Variants in PDS5A observed in about 807,000 individuals in gnomAD.
PDS5A encodes PDS5 cohesin associated factor A, also known as sister chromatid cohesion protein PDS5 homolog A.
In PDS5A, 42 loss-of-function variants were observed where a neutral mutation model predicts 167.1. The observed-to-expected ratio is 0.25, with a 90% CI of 0.20 to 0.33. The LOEUF (loss-of-function observed/expected upper bound fraction) is 0.33. Ranked by LOEUF, PDS5A falls within the 10% of genes least tolerant of loss-of-function variation. The pLI is 1.00. For synonymous variants in PDS5A, 553 were observed against 554.6 expected (o/e 1.00, Z 0.04); for missense variants, 1,033 against 1,605.9 (o/e 0.64, Z 6.10).
At chr4:39,834,654 G>A (rs1294334968) in intron 32 of PDS5A, among the ~76,000 whole-genome samples, 1 of 152,132 alleles carries the variant, frequency 6.6e-6, no homozygotes, top group African/African-American at 2.4e-5. Context: ...AGTTCTTTGG[G>A]GATGGACTAA....
At chr4:39,974,237 T>C (rs533448536) in intron 2 of PDS5A, 1 of 560,962 alleles carries the variant, frequency 1.8e-6, no homozygotes, top group East Asian at 4.8e-5. Flanking sequence ...ATATGCCAGG[T>C]GCTATCCCCA....
intron 26 of PDS5A, among the ~76,000 whole-genome samples, chr4:39,857,019 T>C (rs1250481228): frequency 6.6e-6 from 1 of 152,024 alleles, no homozygotes; most frequent in Non-Finnish European, 1.5e-5. Context: ...ACTAGGTTGT[T>C]AGAAGTTTGA....
chr4:39,925,821 TA>T lies in PDS5A; in HGVS notation c.527+14del. 9.3e-7 allele frequency: 1 copy of T among 1,073,716 alleles called. No homozygotes were observed. The highest frequency in any genetic ancestry group is 1.3e-6 in the Non-Finnish European group (1 of 741,840). 66.5% of individuals were successfully genotyped at this position (1,073,716 alleles called of 1,614,324 possible). ...AGAAAAAGAGACAAACAGAAATGCT[TA>T]AAAAATAACTTACTTGATCACTGAG... On this transcript the variant is annotated intron_variant, in intron 5 of 32. Transcript: ENST00000303538.
chr4:39,859,971 T>C (rs1475323474), intron 26 of PDS5A, among the ~76,000 whole-genome samples: 1 of 152,152 alleles, frequency 6.6e-6, no homozygotes, highest in African/African-American at 2.4e-5. Flanking sequence ...TGGTGGCTCA[T>C]GCCTGTAATC....
At chr4:39,961,936 A>T (rs1426251472) in intron 2 of PDS5A, among the ~76,000 whole-genome samples, 1 of 152,198 alleles carries the variant, frequency 6.6e-6, no homozygotes, top group Non-Finnish European at 1.5e-5. Flanking sequence ...TTAATTCAAG[A>T]TCTTCAATTA....
intron 14 of PDS5A, among the ~76,000 whole-genome samples, chr4:39,899,942 G>A (rs1320324451): frequency 6.6e-6 from 1 of 150,840 alleles, no homozygotes; most frequent in Non-Finnish European, 1.5e-5. Flanking sequence ...TGGTCCCCTG[G>A]TTAAGAACAC....
intron 26 of PDS5A, among the ~76,000 whole-genome samples, chr4:39,858,475 T>C (rs943929098): frequency 5.3e-5 from 8 of 152,282 alleles, no homozygotes; most frequent in African/African-American, 1.9e-4. Context: ...AACAGTCTCT[T>C]CAAAAATGGT....
chr4:39,905,964 T>C (rs564222159), intron 11 of PDS5A, among the ~76,000 whole-genome samples: 16 of 150,632 alleles, frequency 1.1e-4, no homozygotes, highest in Non-Finnish European at 2.1e-4. Context: ...AAAGACAAAT[T>C]AGATAACAAG....
At chr4:39,886,679 C>T (rs2109609323) in intron 17 of PDS5A, among the ~76,000 whole-genome samples, 1 of 151,618 alleles carries the variant, frequency 6.6e-6, no homozygotes, top group Non-Finnish European at 1.5e-5. Context: ...CGCCATTGCA[C>T]TCCAGCCTGG....
At chr4:39,829,685 C>T (rs1351058966) in intron 32 of PDS5A, among the ~76,000 whole-genome samples, 2 of 150,254 alleles carry the variant, frequency 1.3e-5, no homozygotes, top group African/African-American at 2.5e-5. Flanking sequence ...GGCGCGGTGG[C>T]TCACGCCTGT....
At chr4:39,893,649 T>C (rs1019400793) in intron 16 of PDS5A, among the ~76,000 whole-genome samples, 1 of 152,192 alleles carries the variant, frequency 6.6e-6, no homozygotes, top group African/African-American at 2.4e-5. Context: ...TTAGAGGAAA[T>C]ATGTAAATAA....
chr4:39,917,290 C>A, intron 7 of PDS5A, 102 bp from the exon 8 acceptor site: 1 of 704,384 alleles, frequency 1.4e-6, no homozygotes, highest in Non-Finnish European at 2.2e-6. Flanking sequence ...TTAGGTATTA[C>A]ATATACAATT....
chr4:39,895,036 G>A (rs903912092), intron 16 of PDS5A, among the ~76,000 whole-genome samples: 1 of 151,816 alleles, frequency 6.6e-6, no homozygotes, highest in African/African-American at 2.4e-5. Context: ...GATCATCCTG[G>A]CTAACATGGT....
chr4:39,849,393 A>AGAATGTTTTGTAGAATG, intron 27 of PDS5A, 127 bp downstream of exon 27: 1 of 646,916 alleles, frequency 1.5e-6, no homozygotes, highest in Non-Finnish European at 2.6e-6. Flanking sequence ...CTGACTACAC[A>AGAATGTTTTGTAGAATG]TTTACTTTTG....
intron 2 of PDS5A, among the ~76,000 whole-genome samples, chr4:39,930,164 G>A (rs745790418): frequency 2.4e-5 from 3 of 124,016 alleles, no homozygotes; most frequent in African/African-American, 6.2e-5. Flanking sequence ...GCAGTGAGCC[G>A]AGACTGTGCC....
At chr4:39,883,305 C>T (rs1208136930) in intron 17 of PDS5A, among the ~76,000 whole-genome samples, 2 of 151,956 alleles carry the variant, frequency 1.3e-5, no homozygotes, top group Non-Finnish European at 2.9e-5. Context: ...CTCAGCCTCC[C>T]GAGTAGCTGG....
At chr4:39,830,820 G>A (rs1485107260) in intron 32 of PDS5A, among the ~76,000 whole-genome samples, 3 of 152,046 alleles carry the variant, frequency 2.0e-5, no homozygotes, top group East Asian at 3.8e-4. Context: ...TCTATCTCTC[G>A]GTTTTCCTCT....
At chr4:39,942,488 T>A (rs961551945) in intron 2 of PDS5A, among the ~76,000 whole-genome samples, 6 of 152,196 alleles carry the variant, frequency 3.9e-5, no homozygotes, top group African/African-American at 1.4e-4. Flanking sequence ...TCTCACTCAG[T>A]CACGTAGGCT....
chr4:39,882,714 A>G (rs1405744470), intron 17 of PDS5A, among the ~76,000 whole-genome samples: 1 of 152,232 alleles, frequency 6.6e-6, no homozygotes, highest in African/African-American at 2.4e-5. Context: ...GGTAATCACC[A>G]GTATGCGTCA....
Sources: allele counts gnomAD v4.1 joint callset (sites outside exome capture counted in the v4.1 genomes callset), GRCh38; gene constraint gnomAD v4.1.1; transcripts MANE v1.5; gene names NCBI Gene and HGNC (gene_info 2026-07-23, HGNC 2026-07-21).